TYW3: variants seen among roughly 807,000 people sequenced by gnomAD.
The protein encoded by TYW3 is tRNA wybutosine-synthesizing protein 3 homolog.
A neutral mutation model predicts 23.1 loss-of-function variants in TYW3; 26 were observed. The observed-to-expected ratio is 1.13, with a 90% confidence interval of 0.83 to 1.56. The LOEUF (loss-of-function observed/expected upper bound fraction) is 1.56, where lower values mean the gene tolerates loss of function less well. Ranked by LOEUF, TYW3 falls within the 40% of genes most tolerant of loss-of-function variation. TYW3 has a pLI of 0.00. For missense variants in TYW3, 316 were observed against 311.9 expected (o/e 1.01, Z -0.10); for synonymous variants, 102 against 105.7 (o/e 0.97, Z 0.21).
intron 3 of TYW3, among the ~76,000 whole-genome samples, chr1:74,739,458 A>G (rs1392999856): frequency 1.3e-5 from 2 of 152,252 alleles, no homozygotes; most frequent in Non-Finnish European, 2.9e-5. Context: ...GCTCACTTGA[A>G]GATAGGCTTC....
intron 2 of TYW3, 113 bp from the exon 3 acceptor site, chr1:74,738,577 T>G: frequency 1.7e-6 from 1 of 592,580 alleles, no homozygotes; most frequent in South Asian, 5.7e-5. Context: ...GCAGAAAAAA[T>G]ATGCTGAGTG....
chr1:74,736,631 TAAA>T lies in TYW3; in HGVS notation c.255+13_255+15del. On this transcript the variant is annotated intron_variant, in intron 2 of 5. Transcript: ENST00000370867. The stretch of plus-strand genomic sequence containing the variant: ...GTGTAAAAGATGATGTGGTAAGTTT[TAAA>T]AAATAAATTTGGAAATAAACTTTTA... 6.4e-7 allele frequency: 1 copy of T among 1,573,738 alleles called. No homozygotes were observed. Among genetic ancestry groups the T allele is most frequent in the Admixed American group, 1.9e-5 (1 of 53,866 alleles).
Position 74,747,819 on chromosome 1 carries a change from G to A in TYW3, c.355-932G>A, listed in dbSNP as rs549253978. 1.8e-4 allele frequency among the ~76,000 whole-genome samples: 27 copies of A among 150,570 alleles called. 1 individual carries two copies. In the South Asian group the frequency reaches 2.7e-3, roughly 15 times the overall value. On this transcript the variant is annotated intron_variant, in intron 3 of 5. Transcript: ENST00000370867. ...TACATATATATGTGTACACACATAT[G>A]TATATATATGGGTGCGTATATATGT...
At chr1:74,759,352 TTTTC>T (rs1156875392) in intron 5 of TYW3, among the ~76,000 whole-genome samples, 10 of 151,836 alleles carry the variant, frequency 6.6e-5, no homozygotes, top group Middle Eastern at 3.2e-3. Flanking sequence ...TCTTTATCAT[TTTTC>T]TTTCTTTCTT....
rs111491709 is a variant in TYW3 at position 74,738,663 on chromosome 1, A to G, written c.256-27A>G. The stretch of plus-strand genomic sequence containing the variant: ...GCCAAAGGACAGGCCATATACTTGC[A>G]TCTGATACCACTGTTCATTTATTTA... On this transcript the variant is annotated intron_variant, in intron 2 of 5. Transcript: ENST00000370867. 594 of 1,550,036 alleles carry G rather than the reference A, an allele frequency of 3.8e-4. 5 individuals carry two copies. In the African/African-American group the frequency reaches 7.0e-3, roughly 18 times the overall value.
At position 74,736,509 on chromosome 1, in the gene TYW3, A is replaced by G. The variant is rs79269041; in HGVS notation, c.175-33A>G. On this transcript the variant is annotated intron_variant, in intron 1 of 5. Coordinates refer to ENST00000370867, the MANE Select transcript of TYW3 (RefSeq NM_138467.3). ...GCTTATTATTTTTGTAAAATATTATATGAAACTTAAATTATGTTATTTTTT... is the reference window on the plus strand; with the variant it reads ...GCTTATTATTTTTGTAAAATATTATGTGAAACTTAAATTATGTTATTTTTT... 2.7e-6 allele frequency: 4 copies of G among 1,492,396 alleles called. No individual in the cohort carries two copies. The South Asian group carries it at 3.9e-5, about 15-fold the overall frequency. The allele number at this position is 1,492,396 out of a possible 1,614,324, so 92.4% of individuals were successfully genotyped here. A position where few individuals can be genotyped will look rare whatever the true frequency, so the allele number is the denominator to read the frequency against.
rs1288989902 is a variant in TYW3 at position 74,733,189 on chromosome 1, A to T, written c.-56A>T. ...CGCTCGCTTCAATATGGCTGCCCCC[A>T]GGGAGAGACGAGGCTACCATGAAGG... is the stretch of plus-strand genomic sequence containing the variant. On this transcript the variant is annotated 5_prime_UTR_variant, in exon 1 of 6. Transcript: ENST00000370867. The T allele has an allele frequency of 6.3e-7, 1 of 1,589,994 alleles. No homozygotes were observed. The highest frequency in any genetic ancestry group is 1.3e-5 in the African/African-American group (1 of 74,448).
chr1:74,763,818 T>G lies in TYW3; in HGVS notation c.561-76T>G, dbSNP rs989435658. On this transcript the variant is annotated intron_variant, in intron 5 of 5. Transcript: ENST00000370867. ...TGGGACATAGTCAAATTTACATAACTTATAAGCTCTTGGTGTATTTCAGTC... is the reference window on the plus strand; with the variant it reads ...TGGGACATAGTCAAATTTACATAACGTATAAGCTCTTGGTGTATTTCAGTC... 1.1e-5 allele frequency: 12 copies of G among 1,142,198 alleles called. 1 individual carries two copies. In the Admixed American group the frequency reaches 1.5e-4, roughly 14 times the overall value. 70.8% of individuals were successfully genotyped at this position (1,142,198 alleles called of 1,614,324 possible).
At chr1:74,740,970 G>C (rs772667383) in intron 3 of TYW3, among the ~76,000 whole-genome samples, 4 of 150,334 alleles carry the variant, frequency 2.7e-5, no homozygotes, top group Non-Finnish European at 5.9e-5. Context: ...TGGCGATGAC[G>C]GCTCTAGCTA....
chr1:74,747,395 T>C (rs569805470), intron 3 of TYW3, among the ~76,000 whole-genome samples: 2 of 152,104 alleles, frequency 1.3e-5, no homozygotes, highest in East Asian at 3.9e-4. Flanking sequence ...CCCAGCACTT[T>C]GGGAGGCCGA....
chr1:74,742,269 G>A (rs141458096), intron 3 of TYW3, among the ~76,000 whole-genome samples: 168 of 152,300 alleles, frequency 1.1e-3, no homozygotes, highest in African/African-American at 3.6e-3. Context: ...ACTACCTGTC[G>A]GATGGCCTGG....
intron 3 of TYW3, among the ~76,000 whole-genome samples, chr1:74,745,124 C>T (rs1434606480): frequency 3.3e-5 from 5 of 151,876 alleles, no homozygotes; most frequent in East Asian, 1.9e-4. Flanking sequence ...TTGTTCCTCC[C>T]GGTGGGCGAG....
At chr1:74,752,489 A>G in intron 5 of TYW3, 64 bp downstream of exon 5, 1 of 1,434,040 alleles carries the variant, frequency 7.0e-7, no homozygotes, top group South Asian at 1.4e-5. Flanking sequence ...AAACATTAAT[A>G]CTTACTATCT....
intron 4 of TYW3, among the ~76,000 whole-genome samples, chr1:74,750,586 C>T (rs575875093): frequency 6.6e-6 from 1 of 152,080 alleles, no homozygotes; most frequent in African/African-American, 2.4e-5. Flanking sequence ...AAAAAAACCT[C>T]AGGGCCTCCA....
At chr1:74,753,634 A>G (rs1236708366) in intron 5 of TYW3, among the ~76,000 whole-genome samples, 3 of 152,228 alleles carry the variant, frequency 2.0e-5, no homozygotes, top group African/African-American at 4.8e-5. Flanking sequence ...ATCTTAAAGA[A>G]TAATTATTAT....
intron 5 of TYW3, among the ~76,000 whole-genome samples, chr1:74,760,201 C>G (rs1249956357): frequency 1.3e-5 from 2 of 151,954 alleles, no homozygotes; most frequent in South Asian, 4.2e-4. Context: ...CTTGAGTAGG[C>G]TGAGGAAGAG....
intron 2 of TYW3, among the ~76,000 whole-genome samples, chr1:74,738,337 A>G (rs1306286326): frequency 1.3e-5 from 2 of 152,156 alleles, no homozygotes; most frequent in African/African-American, 4.8e-5. Context: ...ATTTGTCTCT[A>G]TCTCAATCTA....
chr1:74,733,203 CT>C lies in TYW3; in HGVS notation c.-41del, dbSNP rs771675180. The C allele has an allele frequency of 7.5e-6, 12 of 1,603,918 alleles. No individual in the cohort carries two copies. The South Asian group carries it at 1.3e-4, about 18-fold the overall frequency. On this transcript the variant is annotated 5_prime_UTR_variant, in exon 1 of 6. It removes the in-frame stop codon of an upstream open reading frame in the 5' UTR. Coordinates refer to ENST00000370867, the MANE Select transcript of TYW3 (RefSeq NM_138467.3). ...TGGCTGCCCCCAGGGAGAGACGAGG[CT>C]ACCATGAAGGAGCCGAGCGCAGACC...
chr1:74,739,603 CAGA>C (rs1346084310), intron 3 of TYW3, among the ~76,000 whole-genome samples: 5 of 152,128 alleles, frequency 3.3e-5, no homozygotes, highest in African/African-American at 1.2e-4. Flanking sequence ...AAGAAGGTGC[CAGA>C]AGGAGGCTGG....
Sources: allele counts gnomAD v4.1 joint callset (sites outside exome capture counted in the v4.1 genomes callset), GRCh38; gene constraint gnomAD v4.1.1; transcripts MANE v1.5; gene names NCBI Gene and HGNC (gene_info 2026-07-23, HGNC 2026-07-21).